CNTNAP2: variants seen among roughly 807,000 people sequenced by gnomAD.
CNTNAP2 encodes contactin-associated protein-like 2.
Under a neutral mutation model 155.2 loss-of-function variants are expected in CNTNAP2, and 98 were observed. The observed-to-expected ratio is 0.63, with a 90% CI of 0.54 to 0.75. The LOEUF is 0.75. Ranked by LOEUF, CNTNAP2 falls within the 30% of genes least tolerant of loss-of-function variation. CNTNAP2 has a pLI of 0.00. For missense variants in CNTNAP2, 1,727 were observed against 1,688.1 expected (o/e 1.02, Z -0.40); for synonymous variants, 651 against 631.2 (o/e 1.03, Z -0.47).
At chr7:146,612,298 T>A (rs1799152377) in intron 1 of CNTNAP2, among the ~76,000 whole-genome samples, 1 of 152,192 alleles carries the variant, frequency 6.6e-6, no homozygotes, top group Non-Finnish European at 1.5e-5. Flanking sequence ...CCATGCAATA[T>A]GTTAACAGCA....
At chr7:147,796,209 T>C (rs111809534) in intron 13 of CNTNAP2, among the ~76,000 whole-genome samples, 78 of 152,332 alleles carry the variant, frequency 5.1e-4, no homozygotes, top group African/African-American at 1.8e-3. Flanking sequence ...TTTAAAGGTA[T>C]TTTGTTAGCA....
At chr7:146,430,076 T>C (rs1469241834) in intron 1 of CNTNAP2, among the ~76,000 whole-genome samples, 1 of 152,150 alleles carries the variant, frequency 6.6e-6, no homozygotes, top group Non-Finnish European at 1.5e-5. Flanking sequence ...GAAGCCAACT[T>C]GATTGTGTTG....
intron 13 of CNTNAP2, among the ~76,000 whole-genome samples, chr7:147,821,684 GC>G (rs1167753303): frequency 6.6e-6 from 1 of 152,080 alleles, no homozygotes; most frequent in Non-Finnish European, 1.5e-5. Context: ...AAAGGAAAAG[GC>G]CCTGAAAAGG....
chr7:147,497,903 T>C (rs570478781), intron 11 of CNTNAP2, among the ~76,000 whole-genome samples: 1 of 152,342 alleles, frequency 6.6e-6, no homozygotes, highest in Non-Finnish European at 1.5e-5. Context: ...TGTATAGTTC[T>C]TTAAATTAAG....
intron 3 of CNTNAP2, among the ~76,000 whole-genome samples, chr7:146,878,433 A>AC (rs1795472561): frequency 6.6e-6 from 1 of 150,754 alleles, no homozygotes; most frequent in Admixed American, 6.6e-5. Flanking sequence ...TCCCTTTCCC[A>AC]CAAGTACTCT....
At chr7:146,676,467 A>G (rs1326671864) in intron 1 of CNTNAP2, among the ~76,000 whole-genome samples, 1 of 150,240 alleles carries the variant, frequency 6.7e-6, no homozygotes. Context: ...AATAATTTCA[A>G]CTTTCATTTT....
At position 147,501,862 on chromosome 7, in the gene CNTNAP2, C is replaced by A. The variant is rs112711578; in HGVS notation, c.1777+15821C>A. Among the ~76,000 whole-genome samples the A allele has an allele frequency of 6.1e-3, 931 of 152,196 alleles. 24 individuals are homozygous for A. Among genetic ancestry groups the A allele is most frequent in the East Asian group, 0.039 (200 of 5,170 alleles). ...CCAAAAAACTATTAGAATTAACAAG[C>A]AAATTCAGTAAAGTGGCAGTATACA... On this transcript the variant is annotated intron_variant, in intron 11 of 23. Coordinates refer to ENST00000361727, the MANE Select transcript of CNTNAP2 (RefSeq NM_014141.6).
intron 11 of CNTNAP2, among the ~76,000 whole-genome samples, chr7:147,506,308 T>C (rs965621701): frequency 2.6e-5 from 4 of 152,156 alleles, no homozygotes; most frequent in Non-Finnish European, 5.9e-5. Flanking sequence ...CAGGTTACAG[T>C]GCAATGGCGC....
chr7:148,330,249 C>T (rs1311050458), intron 21 of CNTNAP2, among the ~76,000 whole-genome samples: 3 of 60,028 alleles, frequency 5.0e-5, no homozygotes, highest in African/African-American at 2.0e-4. Flanking sequence ...TGGAATGGAT[C>T]GATGGAGTGG....
At chr7:147,863,544 C>T (rs1799171462) in intron 13 of CNTNAP2, among the ~76,000 whole-genome samples, 2 of 152,180 alleles carry the variant, frequency 1.3e-5, no homozygotes, top group Admixed American at 6.5e-5. Flanking sequence ...AGACTCCCAC[C>T]AACAGTGTAA....
Position 147,266,717 on chromosome 7 carries a change from G to A in CNTNAP2, c.1349-33424G>A, listed in dbSNP as rs149460189. 5.4e-4 allele frequency among the ~76,000 whole-genome samples: 82 copies of A among 152,280 alleles called. 1 individual carries two copies. In the East Asian group the frequency reaches 7.3e-3, roughly 14 times the overall value. On this transcript the variant is annotated intron_variant, in intron 8 of 23. Transcript: ENST00000361727. ...TCATTATTTTTATGGCAGAACTGGG[G>A]TTGTGGGAGTAGTTATAACCAGTTG...
chr7:148,288,214 C>T (rs1186727395), intron 21 of CNTNAP2, among the ~76,000 whole-genome samples: 1 of 151,582 alleles, frequency 6.6e-6, no homozygotes, highest in East Asian at 1.9e-4. Flanking sequence ...ATTCTCCTGC[C>T]TCAGCCTCCC....
intron 13 of CNTNAP2, among the ~76,000 whole-genome samples, chr7:147,640,873 A>G (rs1486355717): frequency 6.6e-6 from 1 of 152,158 alleles, no homozygotes; most frequent in Non-Finnish European, 1.5e-5. Context: ...CCTGACTTGC[A>G]TAGGGCTCAG....
chr7:148,026,888 G>T (rs758158219), intron 15 of CNTNAP2, among the ~76,000 whole-genome samples: 2 of 152,078 alleles, frequency 1.3e-5, no homozygotes, highest in Admixed American at 6.5e-5. Flanking sequence ...TTTGAAACCC[G>T]CCACAACCCT....
intron 1 of CNTNAP2, among the ~76,000 whole-genome samples, chr7:146,166,263 T>G (rs945982721): frequency 1.3e-5 from 2 of 152,116 alleles, no homozygotes; most frequent in South Asian, 2.1e-4. Flanking sequence ...CTGGGTACTT[T>G]TGTATTTTTA....
chr7:147,500,254 A>AT (rs1439377227), intron 11 of CNTNAP2, among the ~76,000 whole-genome samples: 5 of 152,200 alleles, frequency 3.3e-5, no homozygotes, highest in African/African-American at 1.2e-4. Context: ...TAAATCAGTT[A>AT]TTAAAACCTT....
chr7:147,502,929 A>G (rs1267773442), intron 11 of CNTNAP2, among the ~76,000 whole-genome samples: 1 of 152,152 alleles, frequency 6.6e-6, no homozygotes, highest in Non-Finnish European at 1.5e-5. Flanking sequence ...ACATCAGAAG[A>G]GTGTAGAAAA....
At chr7:147,967,296 T>C (rs945248637) in intron 14 of CNTNAP2, among the ~76,000 whole-genome samples, 2 of 152,202 alleles carry the variant, frequency 1.3e-5, no homozygotes, top group African/African-American at 4.8e-5. Flanking sequence ...TTAAAGGAAA[T>C]ACATTGAAAT....
At chr7:146,450,730 G>T (rs765782945) in intron 1 of CNTNAP2, among the ~76,000 whole-genome samples, 75 of 152,068 alleles carry the variant, frequency 4.9e-4, no homozygotes, top group Non-Finnish European at 8.2e-4. Context: ...AAAGGCATGT[G>T]GAATAAAAGA....
Sources: allele counts gnomAD v4.1 joint callset (sites outside exome capture counted in the v4.1 genomes callset), GRCh38; gene constraint gnomAD v4.1.1; transcripts MANE v1.5; gene names NCBI Gene and HGNC (gene_info 2026-07-23, HGNC 2026-07-21).